RBFOX2: variants seen among roughly 807,000 people sequenced by gnomAD.
The protein encoded by RBFOX2 is RNA binding fox-1 homolog 2.
In RBFOX2, 10 loss-of-function variants were observed where a neutral mutation model predicts 49.1. The ratio of observed to expected loss-of-function variants is 0.20; its 90% CI spans 0.13 to 0.35. The LOEUF (loss-of-function observed/expected upper bound fraction) is 0.35. RBFOX2 is among the 10% of genes least tolerant of loss of function. The pLI is 1.00. For missense variants in RBFOX2, 323 were observed against 486.9 expected, an observed-to-expected ratio of 0.66 and a Z score of 3.17; for synonymous variants, 183 against 187.4, an observed-to-expected ratio of 0.98 and a Z score of 0.19.
At chr22:35,876,599 T>C (rs939101922) in intron 1 of RBFOX2, among the ~76,000 whole-genome samples, 2 of 152,042 alleles carry the variant, frequency 1.3e-5, no homozygotes, top group African/African-American at 4.8e-5. Flanking sequence ...GGTATTGTAG[T>C]CATTCTATAA....
chr22:35,890,032 T>C (rs2047056307), intron 1 of RBFOX2, among the ~76,000 whole-genome samples: 1 of 152,140 alleles, frequency 6.6e-6, no homozygotes, highest in Non-Finnish European at 1.5e-5. Context: ...TGACTCACAG[T>C]CTGTGACTTT....
At chr22:36,003,581 C>T (rs1218883074) in intron 1 of RBFOX2, among the ~76,000 whole-genome samples, 1 of 152,114 alleles carries the variant, frequency 6.6e-6, no homozygotes, top group East Asian at 1.9e-4. Context: ...TGGCCTTATA[C>T]GTTTGAGTTT....
chr22:35,871,709 C>G (rs1377740659), intron 1 of RBFOX2, among the ~76,000 whole-genome samples: 1 of 152,132 alleles, frequency 6.6e-6, no homozygotes, highest in Non-Finnish European at 1.5e-5. Context: ...AAAAGAGGCA[C>G]TGACAAAAAA....
chr22:35,924,568 T>G (rs1345724229), intron 1 of RBFOX2, among the ~76,000 whole-genome samples: 2 of 152,224 alleles, frequency 1.3e-5, no homozygotes, highest in Non-Finnish European at 2.9e-5. Context: ...AGTATTAATT[T>G]TTCATATCGC....
rs2051144515 is a variant in RBFOX2, at chr22:35,922,514, G to C, written c.-34+16333C>G. On this transcript the variant is annotated intron_variant, in intron 1 of 13. Coordinates refer to the RBFOX2 transcript ENST00000359369. ...TTGAACCTGGGAGGCAGAGGTTGCA[G>C]TCAGCCAAGATTGCGCCACTGCACT... Among the ~76,000 whole-genome samples, 4 of 151,880 alleles carry C rather than the reference G, an allele frequency of 2.6e-5. No individual in the cohort carries two copies. In the South Asian group the frequency reaches 8.3e-4, roughly 32 times the overall value.
At position 35,880,246 on chromosome 22, in the gene RBFOX2, TG is replaced by T. The variant is rs528869406; in HGVS notation, c.-34+58600del. Among the ~76,000 whole-genome samples, 796 of 151,968 alleles carry T rather than the reference TG, an allele frequency of 5.2e-3. 10 individuals are homozygous for T. The highest frequency in any genetic ancestry group is 0.016 in the Admixed American group (239 of 15,276). On this transcript the variant is annotated intron_variant, in intron 1 of 13. Transcript: ENST00000359369. ...GATTTGCTAATTAACAGGACCGCAG[TG>T]AGGGAGAAAGAGGAGTCCAGGATGA...
At chr22:35,812,272 T>C (rs1381313115) in intron 1 of RBFOX2, among the ~76,000 whole-genome samples, 2 of 135,626 alleles carry the variant, frequency 1.5e-5, no homozygotes, top group East Asian at 2.1e-4. Context: ...TCTCAAAAGA[T>C]AGAAAAAAAA....
chr22:36,004,396 C>A (rs2058545149), intron 1 of RBFOX2, among the ~76,000 whole-genome samples: 1 of 152,214 alleles, frequency 6.6e-6, no homozygotes, highest in Admixed American at 6.5e-5. Context: ...CCTTTGTTTT[C>A]TCCCACGCCC....
chr22:35,868,172 C>CT (rs2149157754), intron 1 of RBFOX2, among the ~76,000 whole-genome samples: 1 of 152,308 alleles, frequency 6.6e-6, no homozygotes, highest in Non-Finnish European at 1.5e-5. Context: ...AATGGCACCA[C>CT]TGCACTCCAG....
intron 1 of RBFOX2, among the ~76,000 whole-genome samples, chr22:35,937,587 GT>G (rs1162023658): frequency 1.3e-5 from 2 of 151,904 alleles, no homozygotes; most frequent in African/African-American, 2.4e-5. Context: ...TGTTGTTTTT[GT>G]TTGTTTTATG....
chr22:35,783,275 A>G (rs1945601461), intron 2 of RBFOX2, among the ~76,000 whole-genome samples: 1 of 152,194 alleles, frequency 6.6e-6, no homozygotes, highest in Admixed American at 6.5e-5. Context: ...AGCCAGTCGG[A>G]GCACCTGGAC....
chr22:35,821,867 G>A (rs1954596366), intron 1 of RBFOX2: 4 of 518,934 alleles, frequency 7.7e-6, no homozygotes, highest in Non-Finnish European at 1.2e-5. Flanking sequence ...TGAGTTAACT[G>A]TTTGTATGGC....
chr22:35,832,139 A>T (rs1439192275), intron 1 of RBFOX2, among the ~76,000 whole-genome samples: 1 of 152,234 alleles, frequency 6.6e-6, no homozygotes, highest in Admixed American at 6.5e-5. Context: ...TGGGAGGTCG[A>T]GGCAGGTGTA....
intron 2 of RBFOX2, among the ~76,000 whole-genome samples, chr22:35,791,672 C>T (rs1359871087): frequency 6.6e-6 from 1 of 152,136 alleles, no homozygotes; most frequent in Admixed American, 6.5e-5. Context: ...TTGTAACTCT[C>T]ATTATTTTAC....
At chr22:35,794,610 A>G (rs1176892993) in intron 2 of RBFOX2, among the ~76,000 whole-genome samples, 2 of 152,020 alleles carry the variant, frequency 1.3e-5, no homozygotes, top group African/African-American at 4.8e-5. Flanking sequence ...GTGAGCCGAG[A>G]TCACGCCACT....
chr22:35,890,657 A>T lies in RBFOX2; in HGVS notation c.-34+48190T>A, dbSNP rs557098757. On this transcript the variant is annotated intron_variant, in intron 1 of 13. Coordinates refer to the RBFOX2 transcript ENST00000359369. ...TTAGGGATGGACAAACCACAGTTCA[A>T]ATTCTAACTCTGACAATTGCAAACT... 9.2e-5 allele frequency among the ~76,000 whole-genome samples: 14 copies of T among 152,290 alleles called. No homozygotes were observed. In the South Asian group the frequency reaches 2.9e-3, roughly 32 times the overall value.
exon 1 of RBFOX2, chr22:36,028,497 C>T: frequency 1.9e-6 from 2 of 1,075,644 alleles, no homozygotes; most frequent in South Asian, 4.5e-5. Flanking sequence ...GCCTCGGCCC[C>T]GACTGTCGCG....
intron 1 of RBFOX2, among the ~76,000 whole-genome samples, chr22:35,954,105 C>A (rs1299925007): frequency 4.6e-5 from 7 of 151,690 alleles, no homozygotes; most frequent in Non-Finnish European, 7.4e-5. Context: ...GGATATATCC[C>A]AAAATGTTTA....
intron 1 of RBFOX2, chr22:35,994,090 T>C (rs924639581): frequency 2.9e-4 from 44 of 152,104 alleles, no homozygotes; most frequent in Admixed American, 2.4e-3. Flanking sequence ...CTTCCCCTTC[T>C]AGTTTGAGCA....
Sources: gnomAD v4.1 joint callset for allele counts (sites outside exome capture counted in the v4.1 genomes callset) on GRCh38, gnomAD v4.1.1 for gene constraint, MANE v1.5 for transcripts, NCBI Gene and HGNC (gene_info 2026-07-23, HGNC 2026-07-21) for gene names.